PPFIA2: variants seen among roughly 807,000 people sequenced by gnomAD.
The protein encoded by PPFIA2 is PPFI scaffold protein A2, also known as liprin-alpha-2.
Under a neutral mutation model 175.5 loss-of-function variants are expected in PPFIA2, and 46 were observed. The observed-to-expected ratio is 0.26, with a 90% CI of 0.21 to 0.34. The LOEUF is 0.34. Among genes scored for constraint, PPFIA2 ranks in the 10% least tolerant of loss-of-function variants. The probability of loss-of-function intolerance (pLI) is 1.00; values close to 1 mark genes in which losing one functional copy is unlikely to be tolerated. For synonymous variants in PPFIA2, 568 were observed against 511.4 expected (o/e 1.11, Z -1.49); for missense variants, 1,179 against 1,506.1 (o/e 0.78, Z 3.60).
intron 28 of PPFIA2, among the ~76,000 whole-genome samples, chr12:81,269,187 C>T (rs908139936): frequency 5.3e-5 from 8 of 151,320 alleles, no homozygotes; most frequent in African/African-American, 1.7e-4. Flanking sequence ...TGACAGAATG[C>T]TATATAAAAT....
intron 8 of PPFIA2, among the ~76,000 whole-genome samples, chr12:81,393,663 C>T (rs1295986851): frequency 6.6e-6 from 1 of 151,972 alleles, no homozygotes; most frequent in East Asian, 1.9e-4. Context: ...GGTAGACTGA[C>T]AATTGACTAG....
intron 17 of PPFIA2, among the ~76,000 whole-genome samples, chr12:81,348,228 A>G (rs1026589345): frequency 6.6e-6 from 1 of 152,122 alleles, no homozygotes; most frequent in Non-Finnish European, 1.5e-5. Flanking sequence ...TTAAGATTCA[A>G]AGTCATTGAA....
intron 22 of PPFIA2, among the ~76,000 whole-genome samples, chr12:81,307,020 T>C (rs181325252): frequency 6.6e-6 from 1 of 152,334 alleles, no homozygotes; most frequent in East Asian, 1.9e-4. Context: ...AGTTTGTGCA[T>C]TACCAATTCC....
intron 7 of PPFIA2, among the ~76,000 whole-genome samples, chr12:81,424,399 CTATCTT>C (rs2046799729): frequency 6.6e-6 from 1 of 152,064 alleles, no homozygotes; most frequent in African/African-American, 2.4e-5. Flanking sequence ...ATCTATATAT[CTATCTT>C]TATAGTTATT....
chr12:81,566,516 G>A (rs1401544650), intron 4 of PPFIA2, among the ~76,000 whole-genome samples: 1 of 107,552 alleles, frequency 9.3e-6, no homozygotes, highest in African/African-American at 3.8e-5. Context: ...TGGTGACACA[G>A]TGAGACTCCA....
intron 29 of PPFIA2, 164 bp from the exon 30 acceptor site, chr12:81,267,184 C>CA (rs35647579): frequency 0.68 from 363,087 of 535,690 alleles, 122,579 homozygotes; most frequent in Non-Finnish European, 0.73. Context: ...ATTTTAACTA[C>CA]AAAAAAAACA....
At chr12:81,686,712 C>A (rs1567862887) in intron 3 of PPFIA2, among the ~76,000 whole-genome samples, 1 of 152,040 alleles carries the variant, frequency 6.6e-6, no homozygotes, top group Non-Finnish European at 1.5e-5. Context: ...GTTAGTTATC[C>A]AGTCTAGGTT....
intron 4 of PPFIA2, among the ~76,000 whole-genome samples, chr12:81,505,476 A>G (rs575047005): frequency 6.6e-6 from 1 of 152,060 alleles, no homozygotes; most frequent in African/African-American, 2.4e-5. Context: ...TTTCCCCAGG[A>G]TGGTTTTTGT....
chr12:81,722,935 T>C (rs1376333704), intron 3 of PPFIA2, among the ~76,000 whole-genome samples: 1 of 151,162 alleles, frequency 6.6e-6, no homozygotes, highest in East Asian at 1.9e-4. Context: ...ATAAAAGATA[T>C]TAATTACCTG....
intron 4 of PPFIA2, among the ~76,000 whole-genome samples, chr12:81,638,471 G>C (rs966476670): frequency 1.1e-4 from 16 of 151,856 alleles, no homozygotes; most frequent in African/African-American, 3.9e-4. Context: ...GCTACAAAGA[G>C]AGCCATAAGT....
intron 4 of PPFIA2, among the ~76,000 whole-genome samples, chr12:81,605,615 T>C (rs1046968927): frequency 6.6e-6 from 1 of 151,462 alleles, no homozygotes; most frequent in Admixed American, 6.6e-5. Context: ...GTATGTAATA[T>C]CACTAGCCTG....
intron 31 of PPFIA2, 72 bp from the exon 32 acceptor site, chr12:81,262,112 T>C (rs2035785524): frequency 9.2e-7 from 1 of 1,085,932 alleles, no homozygotes; most frequent in Non-Finnish European, 1.4e-6. Context: ...GAAAGATTTA[T>C]TTTCCCTGCA....
At position 81,273,080 on chromosome 12, in the gene PPFIA2, A is replaced by AT. The variant is rs373865763; in HGVS notation, c.3310+4236dup. 1.8e-3 allele frequency among the ~76,000 whole-genome samples: 269 copies of AT among 151,902 alleles called. 2 individuals are homozygous for AT. The highest frequency in any genetic ancestry group is 6.1e-3 in the African/African-American group (252 of 41,444). ...GCATATTTGGTGGTTATGACCTTTG[A>AT]TTTTTTTTACTGTATTATCATGAGA... On this transcript the variant is annotated intron_variant, in intron 28 of 32. Coordinates refer to ENST00000549396, the MANE Select transcript of PPFIA2 (RefSeq NM_003625.5).
intron 3 of PPFIA2, among the ~76,000 whole-genome samples, chr12:81,733,144 T>C (rs1037134106): frequency 9.9e-5 from 15 of 151,622 alleles, no homozygotes; most frequent in Admixed American, 9.2e-4. Flanking sequence ...AAGTTTATGA[T>C]GGTAAAGTAC....
At chr12:81,704,599 A>G (rs189963009) in intron 3 of PPFIA2, among the ~76,000 whole-genome samples, 11 of 152,224 alleles carry the variant, frequency 7.2e-5, no homozygotes, top group African/African-American at 2.6e-4. Context: ...AACAGATAAA[A>G]TAAAAGACAA....
intron 28 of PPFIA2, among the ~76,000 whole-genome samples, chr12:81,273,263 C>A (rs542061754): frequency 6.6e-6 from 1 of 152,228 alleles, no homozygotes; most frequent in South Asian, 2.1e-4. Flanking sequence ...CTATGTTTTA[C>A]ACATTCTTTG....
Position 81,294,816 on chromosome 12 carries a change from G to C in PPFIA2, c.2925+19C>G. 1 of 1,608,632 alleles carries C rather than the reference G, an allele frequency of 6.2e-7. No homozygotes were observed. Among genetic ancestry groups the C allele is most frequent in the Non-Finnish European group, 8.5e-7 (1 of 1,177,134 alleles). ...ATTTGCCTAGCACTGAGGAAGGGGA[G>C]GAGCAGAAACTGACTCACAGTTCGA... is the stretch of plus-strand genomic sequence containing the variant. On this transcript the variant is annotated intron_variant, in intron 24 of 32. Transcript: ENST00000549396.
intron 4 of PPFIA2, among the ~76,000 whole-genome samples, chr12:81,467,172 C>T (rs556082390): frequency 3.4e-4 from 51 of 152,058 alleles, no homozygotes; most frequent in African/African-American, 1.2e-3. Flanking sequence ...AAGTGATTGA[C>T]ATTAGTGTGA....
intron 3 of PPFIA2, among the ~76,000 whole-genome samples, chr12:81,685,374 A>T (rs574158915): frequency 3.2e-4 from 48 of 152,142 alleles, no homozygotes; most frequent in African/African-American, 1.1e-3. Flanking sequence ...AATTTTATAA[A>T]TTTTTCCTAT....
Sources: allele counts gnomAD v4.1 joint callset (sites outside exome capture counted in the v4.1 genomes callset), GRCh38; gene constraint gnomAD v4.1.1; transcripts MANE v1.5; gene names NCBI Gene and HGNC (gene_info 2026-07-23, HGNC 2026-07-21).